VCL: variants seen among roughly 807,000 people sequenced by gnomAD.
VCL encodes epididymis luminal protein 114.
In VCL, 47 loss-of-function variants were observed where a neutral mutation model predicts 125.7. That is an observed-to-expected ratio of 0.37 (90% CI 0.30 to 0.48). VCL has a LOEUF of 0.48. VCL is among the 20% of genes least tolerant of loss of function. The pLI is 0.99. For missense variants in VCL, 1,069 were observed against 1,455.5 expected (o/e 0.73, Z 4.32); for synonymous variants, 458 against 514.6 (o/e 0.89, Z 1.49).
chr10:74,015,599 A>C (rs1259670309), intron 1 of VCL, among the ~76,000 whole-genome samples: 1 of 151,894 alleles, frequency 6.6e-6, no homozygotes, highest in Admixed American at 6.6e-5. Context: ...CCAGTTTGCT[A>C]ATTCTTGTGT....
At chr10:74,072,976 C>T in intron 5 of VCL, 124 bp downstream of exon 5, 9 of 1,388,264 alleles carry the variant, frequency 6.5e-6, no homozygotes, top group Non-Finnish European at 7.8e-6. Flanking sequence ...AAGTCTCACT[C>T]TGTTGCCAGG....
At chr10:74,112,216 G>A in intron 19 of VCL, 104 bp downstream of exon 19, 1 of 1,443,016 alleles carries the variant, frequency 6.9e-7, no homozygotes, top group Non-Finnish European at 9.6e-7. Context: ...CTGTGAGTCT[G>A]AGCAGGGCGG....
At chr10:74,093,882 C>T (rs1432813343) in intron 10 of VCL, among the ~76,000 whole-genome samples, 5 of 152,198 alleles carry the variant, frequency 3.3e-5, no homozygotes, top group Non-Finnish European at 7.3e-5. Flanking sequence ...AGTATTACTA[C>T]TAGTTTGACT....
chr10:74,070,877 T>C, intron 3 of VCL, 57 bp downstream of exon 3: 1 of 1,612,498 alleles, frequency 6.2e-7, no homozygotes, highest in South Asian at 1.1e-5. Context: ...AGATTGATGA[T>C]TGTTTAGAAT....
intron 21 of VCL, among the ~76,000 whole-genome samples, chr10:74,117,168 ATATT>A (rs1840322898): frequency 6.6e-6 from 1 of 152,182 alleles, no homozygotes; most frequent in Non-Finnish European, 1.5e-5. Context: ...CATTAATTAA[ATATT>A]TATGAAATAC....
chr10:74,061,528 A>G (rs992056613), intron 2 of VCL, among the ~76,000 whole-genome samples: 4 of 152,224 alleles, frequency 2.6e-5, no homozygotes, highest in African/African-American at 9.6e-5. Flanking sequence ...ATATATCACA[A>G]GACTTGTAGT....
chr10:74,034,769 G>T (rs1840942080), intron 1 of VCL, among the ~76,000 whole-genome samples: 1 of 152,216 alleles, frequency 6.6e-6, no homozygotes, highest in Non-Finnish European at 1.5e-5. Context: ...TGTGAATGAT[G>T]TACAAAGGAT....
At chr10:74,090,295 C>T in intron 10 of VCL, 97 bp downstream of exon 10, 1 of 1,405,190 alleles carries the variant, frequency 7.1e-7, no homozygotes, top group Non-Finnish European at 9.9e-7. Flanking sequence ...CAAGAACATA[C>T]ATATTTCAAT....
chr10:74,055,192 T>C, intron 2 of VCL, among the ~76,000 whole-genome samples: 1 of 151,666 alleles, frequency 6.6e-6, no homozygotes, highest in African/African-American at 2.4e-5. Flanking sequence ...CCCAGCTACT[T>C]GGGAGGCTGA....
chr10:74,011,196 C>T lies in VCL; in HGVS notation c.168+12821C>T, dbSNP rs564098806. Among the ~76,000 whole-genome samples the T allele has an allele frequency of 1.2e-3, 170 of 139,902 alleles. 5 individuals carry two copies. The highest frequency in any genetic ancestry group is 2.5e-4 in the Non-Finnish European group (16 of 65,158). The allele number at this position is 139,902 out of a possible 152,430, so 91.8% of individuals were successfully genotyped here. On this transcript the variant is annotated intron_variant, in intron 1 of 21. Coordinates refer to ENST00000211998, the MANE Select transcript of VCL (RefSeq NM_014000.3). ...AAAAAAAAAAAAAAAAAAAAAGACACGGGATCAAATAACCATTGATTAAAT... is the reference window on the plus strand; with the variant it reads ...AAAAAAAAAAAAAAAAAAAAAGACATGGGATCAAATAACCATTGATTAAAT...
chr10:74,006,253 A>G (rs1015175160), intron 1 of VCL, among the ~76,000 whole-genome samples: 9 of 152,170 alleles, frequency 5.9e-5, no homozygotes, highest in African/African-American at 1.2e-4. Context: ...GAACTCAAGG[A>G]TATGCAGGGC....
intron 20 of VCL, 21 bp downstream of exon 20, chr10:74,114,408 CGT>C (rs3037359): frequency 0.13 from 145,499 of 1,160,726 alleles, 9 homozygotes; most frequent in South Asian, 0.21. Flanking sequence ...AAAGAGGCTG[CGT>C]GTGTGTGTGT....
Position 74,072,754 on chromosome 10 carries a change from T to C in VCL, c.524T>C (p.Ile175Thr), listed in dbSNP as rs983682263. ...GPGMTKMAKM[I>T]DERQQELTHQ... ...GGAATGACTAAGATGGCCAAGATGATTGACGAGAGACAGCAGGAGCTCACT... is the reference window on the plus strand; with the variant it reads ...GGAATGACTAAGATGGCCAAGATGACTGACGAGAGACAGCAGGAGCTCACT... Residue 175 changes from isoleucine to threonine, a missense_variant, in exon 5 of 22, where the codon ATT becomes ACT. Ile to Thr is a moderately conservative substitution (Grantham distance 89). Coordinates refer to ENST00000211998, the MANE Select transcript of VCL (RefSeq NM_014000.3). The C allele has an allele frequency of 3.7e-6, 6 of 1,613,876 alleles. No individual in the cohort carries two copies. The African/African-American group carries it at 6.7e-5, about 18-fold the overall frequency.
chr10:74,015,931 C>T (rs1259068675), intron 1 of VCL, among the ~76,000 whole-genome samples: 1 of 152,122 alleles, frequency 6.6e-6, no homozygotes, highest in African/African-American at 2.4e-5. Context: ...GTGACCTGCC[C>T]ACCTCAGCTT....
At chr10:74,012,337 A>G (rs1198717657) in intron 1 of VCL, among the ~76,000 whole-genome samples, 1 of 152,236 alleles carries the variant, frequency 6.6e-6, no homozygotes, top group Non-Finnish European at 1.5e-5. Flanking sequence ...AATTCTCCCC[A>G]AATAGTAAAG....
intron 1 of VCL, among the ~76,000 whole-genome samples, chr10:74,001,595 A>G (rs1487360090): frequency 2.0e-5 from 3 of 152,242 alleles, no homozygotes; most frequent in Non-Finnish European, 2.9e-5. Flanking sequence ...GGTTATGAAG[A>G]AAATGAAGGC....
intron 5 of VCL, among the ~76,000 whole-genome samples, chr10:74,074,139 G>A (rs1370029817): frequency 3.3e-5 from 5 of 152,246 alleles, no homozygotes; most frequent in African/African-American, 1.2e-4. Flanking sequence ...AGGAGGTTGA[G>A]GCAGGAGAAT....
chr10:74,060,679 GAAAA>G (rs1446475752), intron 2 of VCL, among the ~76,000 whole-genome samples: 1 of 142,870 alleles, frequency 7.0e-6, no homozygotes, highest in Non-Finnish European at 1.5e-5. Flanking sequence ...AAAAGAAAAA[GAAAA>G]AGAAGAAAAA....
intron 1 of VCL, among the ~76,000 whole-genome samples, chr10:74,028,540 G>A (rs543605683): frequency 4.0e-5 from 6 of 151,786 alleles, no homozygotes; most frequent in Middle Eastern, 6.8e-3. Context: ...GGGATTACAA[G>A]CATCCACCAC....
Sources: gnomAD v4.1 joint callset for allele counts (sites outside exome capture counted in the v4.1 genomes callset) on GRCh38, gnomAD v4.1.1 for gene constraint, MANE v1.5 for transcripts, NCBI Gene and HGNC (gene_info 2026-07-23, HGNC 2026-07-21) for gene names.